Variants in SCD observed in about 807,000 individuals in gnomAD.
The protein encoded by SCD is stearoyl-CoA desaturase.
SCD carries 4 observed loss-of-function variants against 35.7 expected under a neutral mutation model. The ratio of observed to expected loss-of-function variants is 0.11; its 90% CI spans 0.06 to 0.26. The LOEUF is 0.26. Ranked by LOEUF, SCD falls within the 10% of genes least tolerant of loss-of-function variation. The pLI is 1.00. For missense variants in SCD, 282 were observed against 460.7 expected (o/e 0.61, Z 3.55); for synonymous variants, 150 against 170.2 (o/e 0.88, Z 0.92).
At chr10:100,351,881 G>T (rs1323053604) in intron 2 of SCD, among the ~76,000 whole-genome samples, 6 of 152,082 alleles carry the variant, frequency 3.9e-5, no homozygotes, top group Non-Finnish European at 7.4e-5. Context: ...GGCTCAAGGG[G>T]ATCTTCCTGC....
intron 5 of SCD, among the ~76,000 whole-genome samples, chr10:100,358,638 G>A (rs1849955937): frequency 6.7e-6 from 1 of 149,982 alleles, no homozygotes; most frequent in Non-Finnish European, 1.5e-5. Context: ...TCTAGGCGTG[G>A]TGGCTCACAC....
chr10:100,359,264 GCT>G (rs1422210163), intron 5 of SCD, among the ~76,000 whole-genome samples: 3 of 151,984 alleles, frequency 2.0e-5, no homozygotes, highest in South Asian at 2.1e-4. Flanking sequence ...TTCTCCTCCA[GCT>G]CTGTTTCCTG....
intron 5 of SCD, among the ~76,000 whole-genome samples, chr10:100,357,736 C>G (rs1849943356): frequency 6.6e-6 from 1 of 151,978 alleles, no homozygotes; most frequent in African/African-American, 2.4e-5. Flanking sequence ...CTGAAGTGAT[C>G]CTCCTGCCTC....
Position 100,364,234 on chromosome 10 carries a change from A to G in SCD, c.*3301A>G, listed in dbSNP as rs1485947821. 1 of 151,710 alleles carries G rather than the reference A, an allele frequency of 6.6e-6. No individual in the cohort carries two copies. The highest frequency in any genetic ancestry group is 1.5e-5 in the Non-Finnish European group (1 of 68,008). 9.4% of individuals were successfully genotyped at this position (151,710 alleles called of 1,614,324 possible). ...GTAAGTGTAGCTCAAATAGGTCATCATGAAAGGTTAAAAAAGCGAGGTGGC... is the reference window on the plus strand; with the variant it reads ...GTAAGTGTAGCTCAAATAGGTCATCGTGAAAGGTTAAAAAAGCGAGGTGGC... On this transcript the variant is annotated 3_prime_UTR_variant, in exon 6 of 6. Transcript: ENST00000370355.
At chr10:100,354,774 A>G (rs1315833934) in intron 4 of SCD, 142 bp downstream of exon 4, 8 of 657,568 alleles carry the variant, frequency 1.2e-5, no homozygotes, top group African/African-American at 7.3e-5. Flanking sequence ...TAAAATCCCA[A>G]TTTTTAACAT....
At chr10:100,358,454 C>T (rs1352186216) in intron 5 of SCD, among the ~76,000 whole-genome samples, 5 of 151,452 alleles carry the variant, frequency 3.3e-5, no homozygotes, top group African/African-American at 4.8e-5. Flanking sequence ...TAGCCAGGCG[C>T]AGTGGCGGGC....
At position 100,348,216 on chromosome 10, in the gene SCD, G is replaced by A. The variant is rs1849825686; in HGVS notation, c.180G>A (p.Lys60=). The part of the protein sequence containing the change: ...IKDDIYDPTY[K]DKEGPSPKVE... ...ATGATATATATGACCCCACCTACAAGGATAAGGAAGGCCCAAGCCCCAAGG... is the reference window on the plus strand; with the variant it reads ...ATGATATATATGACCCCACCTACAAAGATAAGGAAGGCCCAAGCCCCAAGG... The change falls in exon 2 of 6, where the codon AAG becomes AAA. Residue 60 remains lysine, a synonymous_variant. Coordinates refer to ENST00000370355, the MANE Select transcript of SCD (RefSeq NM_005063.5). 6.2e-7 allele frequency: 1 copy of A among 1,613,962 alleles called. No individual in the cohort carries two copies. The highest frequency in any genetic ancestry group is 1.3e-5 in the African/African-American group (1 of 74,864).
Position 100,363,286 on chromosome 10 carries a change from G to C in SCD, c.*2353G>C, listed in dbSNP as rs560792. ...CTGTCCCTGTAGCTCAGTCATCAAA[G>C]CAGAAGTCTGGCTTTGCTCTATTAA... On this transcript the variant is annotated 3_prime_UTR_variant, in exon 6 of 6. Coordinates refer to ENST00000370355, the MANE Select transcript of SCD (RefSeq NM_005063.5). The C allele has an allele frequency of 0.038, 5,774 of 152,382 alleles. 219 individuals are homozygous for C. Among genetic ancestry groups the C allele is most frequent in the East Asian group, 0.11 (568 of 5,182 alleles). The allele number at this position is 152,382 out of a possible 1,614,324, so 9.4% of individuals were successfully genotyped here. A position where few individuals can be genotyped will look rare whatever the true frequency, so the allele number is the denominator to read the frequency against.
At position 100,347,399 on chromosome 10, in the gene SCD, C is replaced by G; in HGVS notation, c.-106C>G. The G allele has an allele frequency of 3.1e-6, 4 of 1,286,326 alleles. No homozygotes were observed. The highest frequency in any genetic ancestry group is 4.5e-6 in the Non-Finnish European group (4 of 898,510). The allele number at this position is 1,286,326 out of a possible 1,614,324, so 79.7% of individuals were successfully genotyped here. A position where few individuals can be genotyped will look rare whatever the true frequency, so the allele number is the denominator to read the frequency against. ...CCAGCTAGCGTGCAAGGCGCCGCGG[C>G]TCAGCGCGTACCGGCGGGCTTCGAA... On this transcript the variant is annotated 5_prime_UTR_variant, in exon 1 of 6. Transcript: ENST00000370355.
At chr10:100,348,396 T>C (rs1341021053) in intron 2 of SCD, 50 bp downstream of exon 2, 1 of 1,556,902 alleles carries the variant, frequency 6.4e-7, no homozygotes, top group African/African-American at 1.4e-5. Flanking sequence ...TACTCACTGC[T>C]CTTTTAATAA....
chr10:100,358,733 CCT>C (rs1342503918), intron 5 of SCD, among the ~76,000 whole-genome samples: 1 of 144,630 alleles, frequency 6.9e-6, no homozygotes, highest in Non-Finnish European at 1.5e-5. Context: ...ATATGGTGAA[CCT>C]CTGTCTCTAC....
chr10:100,354,963 C>G (rs1303814092), intron 4 of SCD, among the ~76,000 whole-genome samples: 1 of 152,206 alleles, frequency 6.6e-6, no homozygotes, highest in Non-Finnish European at 1.5e-5. Flanking sequence ...AACAGTCTTT[C>G]TCTCTTGCCC....
chr10:100,357,071 T>C (rs1442739794), intron 5 of SCD, among the ~76,000 whole-genome samples: 1 of 152,200 alleles, frequency 6.6e-6, no homozygotes, highest in Non-Finnish European at 1.5e-5. Flanking sequence ...CCCAGCACTT[T>C]GGGAGGCTGA....
intron 5 of SCD, among the ~76,000 whole-genome samples, chr10:100,357,646 CTTTCT>C (rs961887140): frequency 5.3e-5 from 8 of 151,924 alleles, no homozygotes; most frequent in African/African-American, 9.7e-5. Flanking sequence ...CTTTCATTTT[CTTTCT>C]TTTCTTTTCT....
At position 100,360,912 on chromosome 10, in the gene SCD, T is replaced by G; in HGVS notation, c.1059T>G (p.Asp353Glu). ...AILARIKRTG[D>E]GNYKSG Reference sequence around the variant, plus strand: ...TGGCCAGGATTAAAAGAACCGGAGATGGAAACTACAAGAGTGGCTGAGTTT... The same window carrying G: ...TGGCCAGGATTAAAAGAACCGGAGAGGGAAACTACAAGAGTGGCTGAGTTT... The change falls in exon 6 of 6, where the codon GAT (aspartate) becomes GAG (glutamate). Residue 353 changes from aspartate to glutamate, a missense_variant. This residue lies in a region of SCD where 205 missense variants were observed against 372.3 expected (regional missense o/e 0.55). Coordinates refer to ENST00000370355, the MANE Select transcript of SCD (RefSeq NM_005063.5). The G allele has an allele frequency of 6.2e-7, 1 of 1,613,994 alleles. No individual in the cohort carries two copies. Among genetic ancestry groups the G allele is most frequent in the Non-Finnish European group, 8.5e-7 (1 of 1,179,862 alleles).
intron 5 of SCD, among the ~76,000 whole-genome samples, chr10:100,359,362 CT>C (rs1849965723): frequency 6.6e-6 from 1 of 152,156 alleles, no homozygotes. Context: ...TCCCTTGAGC[CT>C]TTCTTGGGCT....
chr10:100,354,361 C>A, intron 3 of SCD, 66 bp from the exon 4 acceptor site: 1 of 1,395,444 alleles, frequency 7.2e-7, no homozygotes, highest in Non-Finnish European at 1.0e-6. Flanking sequence ...TGATACCTGT[C>A]CATTGGGATT....
At chr10:100,354,921 GGTTT>G (rs1849912431) in intron 4 of SCD, among the ~76,000 whole-genome samples, 2 of 152,098 alleles carry the variant, frequency 1.3e-5, no homozygotes, top group Admixed American at 1.3e-4. Context: ...TAGTTGCCTA[GGTTT>G]GTTTGTTTGT....
rs776015507 is a variant in SCD, at chr10:100,354,420, T to C, written c.442-7T>C. ...AAGCCTTACATTCCTCTTCTCTCTCTCCCCAGAATGATGTCTATGAATGGG... is the reference window on the plus strand; with the variant it reads ...AAGCCTTACATTCCTCTTCTCTCTCCCCCCAGAATGATGTCTATGAATGGG... On this transcript the variant is annotated splice_polypyrimidine_tract_variant and splice_region_variant and intron_variant, in intron 3 of 5. Transcript: ENST00000370355. The C allele has an allele frequency of 1.2e-6, 2 of 1,612,276 alleles. No individual in the cohort carries two copies. Among genetic ancestry groups the C allele is most frequent in the South Asian group, 1.1e-5 (1 of 91,032 alleles).
Sources: gnomAD v4.1 joint callset for allele counts (sites outside exome capture counted in the v4.1 genomes callset) on GRCh38, gnomAD v4.1.1 for gene constraint, gnomAD v4.1.1 regional missense constraint, MANE v1.5 for transcripts, NCBI Gene and HGNC (gene_info 2026-07-23, HGNC 2026-07-21) for gene names.